ALG13: variants seen among roughly 807,000 people sequenced by gnomAD.
ALG13 encodes the protein UDP-N-acetylglucosamine transferase subunit ALG13.
ALG13 carries 11 observed loss-of-function variants against 87.8 expected under a neutral mutation model. The observed-to-expected ratio is 0.13, with a 90% CI of 0.08 to 0.21. The LOEUF (loss-of-function observed/expected upper bound fraction) is 0.21, where lower values mean the gene tolerates loss of function less well. ALG13 is among the 10% of genes least tolerant of loss of function. The pLI is 1.00. For synonymous variants in ALG13, 320 were observed against 306.3 expected (o/e 1.04, Z -0.47); for missense variants, 756 against 866.1 (o/e 0.87, Z 1.60).
chrX:111,733,036 GCCC>G (rs1267568554), intron 21 of ALG13, among the ~76,000 whole-genome samples: 1 of 110,892 alleles, frequency 9.0e-6, no homozygotes, highest in Non-Finnish European at 1.9e-5. Flanking sequence ...CAAGCCCTCT[GCCC>G]CCATCACCAA....
intron 15 of ALG13, among the ~76,000 whole-genome samples, chrX:111,726,242 T>G (rs995691523): frequency 6.1e-5 from 6 of 98,946 alleles, no homozygotes; most frequent in South Asian, 1.0e-3. Flanking sequence ...GTTTTTTTTT[T>G]TTTTTTTTTT....
intron 2 of ALG13, among the ~76,000 whole-genome samples, chrX:111,683,981 C>G (rs1243991158): frequency 9.0e-6 from 1 of 111,550 alleles, no homozygotes; most frequent in Non-Finnish European, 1.9e-5. Flanking sequence ...GGATTCAAGG[C>G]CATGCCCAAA....
chrX:111,717,405 C>G (rs1029279159), intron 8 of ALG13, among the ~76,000 whole-genome samples: 7 of 110,734 alleles, frequency 6.3e-5, no homozygotes, highest in Admixed American at 1.9e-4. Flanking sequence ...GAATAAAATC[C>G]CTTTCCTCCC....
intron 3 of ALG13, 35 bp from the exon 4 acceptor site, chrX:111,707,992 C>T: frequency 2.6e-6 from 3 of 1,176,224 alleles, no homozygotes; most frequent in Non-Finnish European, 3.4e-6. Context: ...GTTCCCTATT[C>T]CTAGGAGGAT....
At chrX:111,717,998 A>C in intron 9 of ALG13, 71 bp downstream of exon 9, 3 of 1,077,908 alleles carry the variant, frequency 2.8e-6, no homozygotes, top group Middle Eastern at 2.5e-4. Flanking sequence ...CCCACCATGA[A>C]TAGCCCCTTT....
At chrX:111,713,025 T>C (rs1940047835) in intron 7 of ALG13, among the ~76,000 whole-genome samples, 200 bp from the exon 8 acceptor site, 1 of 111,785 alleles carries the variant, frequency 8.9e-6, no homozygotes, top group South Asian at 3.7e-4. Flanking sequence ...CATAGGACTT[T>C]AGGGGCAATT....
intron 3 of ALG13, among the ~76,000 whole-genome samples, chrX:111,698,070 A>C (rs767536285): frequency 3.6e-5 from 4 of 112,422 alleles, no homozygotes; most frequent in Non-Finnish European, 3.8e-5. Flanking sequence ...AACAAGAAAC[A>C]GCAGTTGTAT....
At chrX:111,691,055 T>C (rs1225191786) in intron 3 of ALG13, among the ~76,000 whole-genome samples, 1 of 111,350 alleles carries the variant, frequency 9.0e-6, no homozygotes, top group Non-Finnish European at 1.9e-5. Flanking sequence ...ATGATAGCCA[T>C]GTGGTGATCA....
At chrX:111,697,070 C>T (rs1345537317) in intron 3 of ALG13, among the ~76,000 whole-genome samples, 1 of 104,937 alleles carries the variant, frequency 9.5e-6, no homozygotes, top group Non-Finnish European at 1.9e-5. Context: ...CATATTTAAG[C>T]ACGAACGTGC....
At chrX:111,729,615 T>C (rs985165398) in intron 19 of ALG13, among the ~76,000 whole-genome samples, 18 of 111,848 alleles carry the variant, frequency 1.6e-4, no homozygotes, top group African/African-American at 5.5e-4. Flanking sequence ...AGGAGTTTCA[T>C]GCGTGTGTGT....
In ALG13 at chrX:111,727,165, C is replaced by A. The variant is rs1003601692; in HGVS notation, c.1976+110C>A. On this transcript the variant is annotated intron_variant, in intron 16 of 26. Transcript: ENST00000394780. ...GATGAGGGTCTCTGTGACATACAGACTGTATTTCATTAATAATAGTTAGCC... is the reference window on the plus strand; with the variant it reads ...GATGAGGGTCTCTGTGACATACAGAATGTATTTCATTAATAATAGTTAGCC... 6.0e-5 allele frequency: 59 copies of A among 990,246 alleles called. 1 individual carries two copies. In the Admixed American group the frequency reaches 1.3e-3, roughly 22 times the overall value. 81.6% of individuals were successfully genotyped at this position (990,246 alleles called of 1,213,427 possible). A position where few individuals can be genotyped will look rare whatever the true frequency, so the allele number is the denominator to read the frequency against.
At chrX:111,695,777 C>T (rs1387127874) in intron 3 of ALG13, among the ~76,000 whole-genome samples, 5 of 111,299 alleles carry the variant, frequency 4.5e-5, no homozygotes, top group African/African-American at 1.3e-4. Flanking sequence ...GGAGGTTGAA[C>T]AGGGCTGCCA....
intron 3 of ALG13, among the ~76,000 whole-genome samples, chrX:111,691,910 A>G (rs1473183203): frequency 2.7e-5 from 3 of 111,841 alleles, no homozygotes; most frequent in Non-Finnish European, 5.6e-5. Context: ...TCTTAGTTGT[A>G]TTTTAAAGTT....
Position 111,759,852 on chromosome X carries a change from G to T in ALG13, c.3267G>T (p.Val1089=). 1.7e-6 allele frequency: 2 copies of T among 1,211,124 alleles called. No individual in the cohort carries two copies. The highest frequency in any genetic ancestry group is 2.2e-6 in the Non-Finnish European group (2 of 895,349). Residue 1089 remains valine, a synonymous_variant, in exon 27 of 27, where the codon GTG becomes GTT. Coordinates refer to ENST00000394780, the MANE Select transcript of ALG13 (RefSeq NM_001099922.3). The part of the protein sequence containing the change: ...LPGFDSCLPV[V]PDYSCVPPWH... ...GTTTTGACTCCTGCCTTCCGGTTGT[G>T]CCAGATTATTCCTGTGTTCCCCCCT...
intron 25 of ALG13, among the ~76,000 whole-genome samples, chrX:111,754,159 C>T (rs908756639): frequency 2.7e-5 from 3 of 111,606 alleles, no homozygotes; most frequent in Non-Finnish European, 5.6e-5. Context: ...ATAAACAGAA[C>T]CAATGACAAA....
chrX:111,727,213 C>A, intron 16 of ALG13, 119 bp from the exon 17 acceptor site: 2 of 888,290 alleles, frequency 2.3e-6, no homozygotes, highest in Non-Finnish European at 3.2e-6. Context: ...TTGCAGAGAG[C>A]AGAGCTCTTT....
At chrX:111,721,893 C>T (rs768779557) in intron 12 of ALG13, among the ~76,000 whole-genome samples, 182 bp downstream of exon 12, 8 of 111,537 alleles carry the variant, frequency 7.2e-5, no homozygotes, top group Non-Finnish European at 1.5e-4. Flanking sequence ...TGGGAGGGAT[C>T]TTTTAAAGCC....
At chrX:111,757,493 A>ATT (rs75519151) in intron 25 of ALG13, 95 bp from the exon 26 acceptor site, 668 of 540,232 alleles carry the variant, frequency 1.2e-3, no homozygotes, top group Non-Finnish European at 1.5e-3. Context: ...CCCAATTCTT[A>ATT]TTTTTTTTTT....
rs181381915 is a variant in ALG13, at chrX:111,753,427, A to G, written c.2973+597A>G. ...AAAGCAAACAAATTCAAAACCTAGC[A>G]AAAGACAAGAAATAACTAAGATCAG... On this transcript the variant is annotated intron_variant, in intron 25 of 26. Transcript: ENST00000394780. Among the ~76,000 whole-genome samples the G allele has an allele frequency of 1.8e-4, 20 of 112,210 alleles. No individual in the cohort carries two copies. In the East Asian group the frequency reaches 5.6e-3, roughly 32 times the overall value.
Sources: allele counts gnomAD v4.1 joint callset (sites outside exome capture counted in the v4.1 genomes callset), GRCh38; gene constraint gnomAD v4.1.1; transcripts MANE v1.5; gene names NCBI Gene and HGNC (gene_info 2026-07-23, HGNC 2026-07-21).